Variants in TMEM131L observed in about 807,000 individuals in gnomAD.
The protein encoded by TMEM131L is transmembrane protein 131-like.
TMEM131L carries 54 observed loss-of-function variants against 192.2 expected under a neutral mutation model. The observed-to-expected ratio is 0.28, with a 90% CI of 0.23 to 0.35. The LOEUF (loss-of-function observed/expected upper bound fraction) is 0.35, where lower values mean the gene tolerates loss of function less well. TMEM131L is among the 10% of genes least tolerant of loss of function. TMEM131L has a pLI of 1.00. For synonymous variants in TMEM131L, 701 were observed against 704.9 expected (o/e 0.99, Z 0.09); for missense variants, 1,888 against 1,972.9 (o/e 0.96, Z 0.82).
intron 21 of TMEM131L, among the ~76,000 whole-genome samples, chr4:153,601,501 TG>T (rs1731837034): frequency 1.3e-5 from 2 of 152,222 alleles, no homozygotes; most frequent in Non-Finnish European, 2.9e-5. Flanking sequence ...TACTCCAGCC[TG>T]GGCAACAGAG....
intron 3 of TMEM131L, among the ~76,000 whole-genome samples, chr4:153,475,810 A>G (rs1731490413): frequency 1.3e-5 from 2 of 152,188 alleles, no homozygotes; most frequent in Non-Finnish European, 2.9e-5. Flanking sequence ...AGATGATTTA[A>G]AGTATACAGG....
At chr4:153,590,391 T>C (rs1391292400) in intron 16 of TMEM131L, among the ~76,000 whole-genome samples, 1 of 152,264 alleles carries the variant, frequency 6.6e-6, no homozygotes, top group Non-Finnish European at 1.5e-5. Flanking sequence ...AGTACGTAAA[T>C]GTCAGTTTGT....
At chr4:153,534,125 C>T (rs370927304) in intron 3 of TMEM131L, among the ~76,000 whole-genome samples, 7 of 152,108 alleles carry the variant, frequency 4.6e-5, no homozygotes, top group Non-Finnish European at 7.4e-5. Context: ...TCAATGACAC[C>T]GGTTTGGGAA....
In TMEM131L at chr4:153,569,881, T is replaced by G. The variant is rs114279814; in HGVS notation, c.661-10945T>G. On this transcript the variant is annotated intron_variant, in intron 7 of 34. Coordinates refer to ENST00000409959, the MANE Select transcript of TMEM131L (RefSeq NM_001131007.2). ...TCTATTATGAAACTCCGGGAGAACT[T>G]TAATATTCAGAGATTAGAACCCCCA... Among the ~76,000 whole-genome samples the G allele has an allele frequency of 9.6e-3, 1,463 of 152,320 alleles. 26 individuals are homozygous for G. Among genetic ancestry groups the G allele is most frequent in the African/African-American group, 0.032 (1,336 of 41,560 alleles).
chr4:153,539,299 A>C (rs925105357), intron 3 of TMEM131L, among the ~76,000 whole-genome samples: 1 of 152,132 alleles, frequency 6.6e-6, no homozygotes, highest in Non-Finnish European at 1.5e-5. Context: ...GTTGGGTTTC[A>C]TATAAGAAAA....
At chr4:153,494,800 G>T (rs536644596) in intron 3 of TMEM131L, among the ~76,000 whole-genome samples, 1 of 152,174 alleles carries the variant, frequency 6.6e-6, no homozygotes, top group East Asian at 1.9e-4. Flanking sequence ...CGTCGGGAGC[G>T]CTAAGAGGGC....
intron 27 of TMEM131L, among the ~76,000 whole-genome samples, chr4:153,621,121 G>A (rs1433536911): frequency 6.6e-6 from 1 of 152,126 alleles, no homozygotes; most frequent in African/African-American, 2.4e-5. Context: ...AATGCTAACA[G>A]ATTTGGTAGT....
chr4:153,635,984 A>G (rs1229949097), intron 34 of TMEM131L, among the ~76,000 whole-genome samples: 1 of 151,874 alleles, frequency 6.6e-6, no homozygotes, highest in Non-Finnish European at 1.5e-5. Flanking sequence ...GCCTGTGAGC[A>G]CACCCTCCCT....
intron 2 of TMEM131L, 89 bp downstream of exon 2, chr4:153,467,370 C>T: frequency 8.8e-7 from 1 of 1,138,414 alleles, no homozygotes; most frequent in African/African-American, 1.6e-5. Context: ...CCTGTCCAAG[C>T]GGCACAGGCG....
At position 153,584,940 on chromosome 4, in the gene TMEM131L, C is replaced by A. The variant is rs916716771; in HGVS notation, c.1157+9C>A. ...TCTTCTGTGGCTCAGGGGTAGGTTACTTCCACTTTCCCTGAAATCTTGTAT... is the reference window on the plus strand; with the variant it reads ...TCTTCTGTGGCTCAGGGGTAGGTTAATTCCACTTTCCCTGAAATCTTGTAT... On this transcript the variant is annotated intron_variant, in intron 12 of 34. Transcript: ENST00000409959. 3.8e-6 allele frequency: 6 copies of A among 1,586,850 alleles called. No homozygotes were observed. The highest frequency in any genetic ancestry group is 1.7e-5 in the Admixed American group (1 of 59,846).
intron 7 of TMEM131L, among the ~76,000 whole-genome samples, chr4:153,569,675 C>T (rs1729452393): frequency 6.6e-6 from 1 of 152,168 alleles, no homozygotes; most frequent in Non-Finnish European, 1.5e-5. Context: ...AGCCAAGTTA[C>T]CTAATCTCCC....
chr4:153,586,243 C>T lies in TMEM131L; in HGVS notation c.1346C>T (p.Pro449Leu). 1 of 1,585,804 alleles carries T rather than the reference C, an allele frequency of 6.3e-7. No homozygotes were observed. Among genetic ancestry groups the T allele is most frequent in the Non-Finnish European group, 8.5e-7 (1 of 1,170,574 alleles). ...TTCACTGGCCCTTTATTTCTACCTC[C>T]AGGCTGTTGGAATATATTTTCTTTG... Reference protein sequence around the residue: ...LNFTGPLFLPPGCWNIFSLKL... With the variant: ...LNFTGPLFLPLGCWNIFSLKL... The change falls in exon 14 of 35, where the codon CCA (proline) becomes CTA (leucine). Residue 449 changes from proline to leucine, a missense_variant. Coordinates refer to ENST00000409959, the MANE Select transcript of TMEM131L (RefSeq NM_001131007.2).
intron 3 of TMEM131L, among the ~76,000 whole-genome samples, chr4:153,475,906 G>T (rs1003570394): frequency 6.6e-6 from 1 of 152,124 alleles, no homozygotes; most frequent in Non-Finnish European, 1.5e-5. Context: ...TTCTTGAGAC[G>T]TCCTGGAACC....
intron 11 of TMEM131L, among the ~76,000 whole-genome samples, chr4:153,584,496 C>T (rs182170291): frequency 4.3e-4 from 65 of 152,330 alleles, no homozygotes; most frequent in African/African-American, 1.5e-3. Flanking sequence ...CTTTCAAATG[C>T]AGCCCACTTT....
chr4:153,629,348 C>CT (rs1260124814), intron 31 of TMEM131L, among the ~76,000 whole-genome samples: 2 of 152,220 alleles, frequency 1.3e-5, no homozygotes, highest in African/African-American at 4.8e-5. Context: ...TTCTCTGCCT[C>CT]TCTCCTGTTG....
rs146145365 is a variant in TMEM131L, at chr4:153,589,667, A to G, written c.1670+660A>G. Among the ~76,000 whole-genome samples, 18 of 152,352 alleles carry G rather than the reference A, an allele frequency of 1.2e-4. No homozygotes were observed. The East Asian group carries it at 3.3e-3, about 28-fold the overall frequency. On this transcript the variant is annotated intron_variant, in intron 16 of 34. Coordinates refer to ENST00000409959, the MANE Select transcript of TMEM131L (RefSeq NM_001131007.2). ...TGCATAAGGGCCAACGACTGCACAC[A>G]GTATTTTATTGACATTACAGTCCGT...
Position 153,555,552 on chromosome 4 carries a change from A to G in TMEM131L, c.309-235A>G, listed in dbSNP as rs1230475499. ...CTAACACTGAAACCAATGGAGTGCT[A>G]CTGTGGGTTGGCCTAAGCCTTATAA... On this transcript the variant is annotated intron_variant, in intron 4 of 34. Transcript: ENST00000409959. The surrounding 1 kb of genome is among the most constrained non-coding windows in gnomAD (Gnocchi z 4.1). Among the ~76,000 whole-genome samples the G allele has an allele frequency of 6.6e-6, 1 of 152,208 alleles. No homozygotes were observed. The highest frequency in any genetic ancestry group is 1.5e-5 in the Non-Finnish European group (1 of 68,030).
chr4:153,598,541 C>T (rs977447876), intron 20 of TMEM131L, 49 bp from the exon 21 acceptor site: 26 of 1,506,734 alleles, frequency 1.7e-5, no homozygotes, highest in South Asian at 2.3e-5. Flanking sequence ...TACATTGTAC[C>T]TTGTGACTCC....
At chr4:153,580,981 C>A in intron 8 of TMEM131L, 78 bp downstream of exon 8, 1 of 1,052,408 alleles carries the variant, frequency 9.5e-7, no homozygotes. Context: ...AGGCTGGGCG[C>A]TGTGGCTCAT....
Sources: gnomAD v4.1 joint callset for allele counts (sites outside exome capture counted in the v4.1 genomes callset) on GRCh38, gnomAD v4.1.1 for gene constraint, Gnocchi (gnomAD v3.1) non-coding constraint, MANE v1.5 for transcripts, NCBI Gene and HGNC (gene_info 2026-07-23, HGNC 2026-07-21) for gene names.